The following NDUFAF6 variants were observed in gnomAD, a reference collection of about 807,000 sequenced individuals.
The protein encoded by NDUFAF6 is NADH dehydrogenase (ubiquinone) complex I, assembly factor 6.
A neutral mutation model predicts 40.8 loss-of-function variants in NDUFAF6; 45 were observed. The observed-to-expected ratio is 1.10, with a 90% CI of 0.87 to 1.42. The LOEUF (loss-of-function observed/expected upper bound fraction) is 1.42. NDUFAF6 is among the 40% of genes most tolerant of loss of function. The pLI, the probability that NDUFAF6 is intolerant of heterozygous loss-of-function variation, is 0.00. For missense variants in NDUFAF6, 435 were observed against 418.5 expected (o/e 1.04, Z -0.34); for synonymous variants, 185 against 155.9 (o/e 1.19, Z -1.39).
intron 2 of NDUFAF6, among the ~76,000 whole-genome samples, chr8:94,952,912 C>T (rs1417183208): frequency 6.6e-6 from 1 of 152,196 alleles, no homozygotes; most frequent in African/African-American, 2.4e-5. Flanking sequence ...GGGGGGAGTC[C>T]CCAAGAGGTG....
chr8:95,007,108 A>G (rs1047315207), intron 2 of NDUFAF6, among the ~76,000 whole-genome samples: 1 of 152,096 alleles, frequency 6.6e-6, no homozygotes, highest in East Asian at 1.9e-4. Context: ...TTATACAAAA[A>G]CGCTCCTGCT....
At chr8:94,966,585 C>A (rs1451835515) in intron 1 of NDUFAF6, among the ~76,000 whole-genome samples, 1 of 152,100 alleles carries the variant, frequency 6.6e-6, no homozygotes, top group Non-Finnish European at 1.5e-5. Context: ...CAGAGTGAGA[C>A]CTTGTCTCTA....
At chr8:95,107,770 C>T (rs952256154), downstream of NDUFAF6, among the ~76,000 whole-genome samples, 6 of 152,086 alleles carry the variant, frequency 3.9e-5, no homozygotes. Context: ...AGGAAGTCAT[C>T]AAGGACATAT....
At chr8:95,038,905 G>A (rs2131832383) in intron 3 of NDUFAF6, among the ~76,000 whole-genome samples, 1 of 151,232 alleles carries the variant, frequency 6.6e-6, no homozygotes, top group African/African-American at 2.4e-5. Flanking sequence ...TCTTGACCTC[G>A]TGATCTGCCT....
chr8:95,048,011 T>C (rs911274717), intron 6 of NDUFAF6, among the ~76,000 whole-genome samples: 10 of 151,954 alleles, frequency 6.6e-5, no homozygotes, highest in African/African-American at 2.2e-4. Context: ...CTGGGCAATA[T>C]TGGGAAACCC....
chr8:95,101,551 C>T (rs1809648902), intron 2 of NDUFAF6, among the ~76,000 whole-genome samples: 2 of 152,150 alleles, frequency 1.3e-5, no homozygotes, highest in African/African-American at 4.8e-5. Flanking sequence ...CTGTAACTTC[C>T]ACCCCTTGGC....
At chr8:95,096,170 G>A (rs566741720), upstream of NDUFAF6, among the ~76,000 whole-genome samples, 3 of 152,172 alleles carry the variant, frequency 2.0e-5, no homozygotes, top group East Asian at 5.8e-4. Flanking sequence ...GGATGCAAGG[G>A]TTCCCTTTAT....
At chr8:94,940,180 CTCTTCTTCT>C (rs563445319) in intron 1 of NDUFAF6, 2 of 1,609,300 alleles carry the variant, frequency 1.2e-6, no homozygotes, top group Middle Eastern at 1.7e-4. Flanking sequence ...TGATGTCCTC[CTCTTCTTCT>C]TCTTCTTCTG....
At chr8:95,097,181 T>C (rs1252808392), upstream of NDUFAF6, among the ~76,000 whole-genome samples, 2 of 152,206 alleles carry the variant, frequency 1.3e-5, no homozygotes, top group South Asian at 2.1e-4. Flanking sequence ...ATTACCAAAA[T>C]ACATGATGCC....
intron 1 of NDUFAF6, among the ~76,000 whole-genome samples, chr8:95,025,652 A>G (rs1828024192): frequency 6.6e-6 from 1 of 152,262 alleles, no homozygotes; most frequent in South Asian, 2.1e-4. Context: ...GTTGTGAGTT[A>G]TAAAGCATTT....
chr8:95,023,620 G>A (rs1217507617), upstream of NDUFAF6, among the ~76,000 whole-genome samples: 1 of 152,208 alleles, frequency 6.6e-6, no homozygotes, highest in Non-Finnish European at 1.5e-5. Flanking sequence ...TCAAGTGTAG[G>A]CAGCTGCTGG....
intron 1 of NDUFAF6, among the ~76,000 whole-genome samples, chr8:94,978,157 G>A (rs1412435708): frequency 1.3e-5 from 2 of 152,158 alleles, no homozygotes; most frequent in Non-Finnish European, 2.9e-5. Flanking sequence ...ACCAAGCCAT[G>A]ATTAGAAGCT....
downstream of NDUFAF6, chr8:95,078,381 T>C (rs1446603125): frequency 1.3e-5 from 2 of 152,144 alleles, no homozygotes; most frequent in Non-Finnish European, 2.9e-5. Flanking sequence ...CAGTGGCTCA[T>C]GCTTGTGATC....
intron 1 of NDUFAF6, among the ~76,000 whole-genome samples, chr8:94,966,729 C>T (rs1824040731): frequency 6.6e-6 from 1 of 152,202 alleles, no homozygotes; most frequent in African/African-American, 2.4e-5. Context: ...TTTTCTTCCA[C>T]CATACTTAGT....
intron 1 of NDUFAF6, among the ~76,000 whole-genome samples, chr8:94,898,916 T>C (rs1234560536): frequency 6.6e-6 from 1 of 152,244 alleles, no homozygotes; most frequent in Non-Finnish European, 1.5e-5. Context: ...GTTTTTATTG[T>C]CATGAGACTC....
chr8:94,932,830 C>T (rs1319873266), intron 1 of NDUFAF6, among the ~76,000 whole-genome samples: 1 of 151,942 alleles, frequency 6.6e-6, no homozygotes, highest in Non-Finnish European at 1.5e-5. Flanking sequence ...AATTTCAAAT[C>T]CCAAAATAAG....
intron 2 of NDUFAF6, among the ~76,000 whole-genome samples, chr8:94,985,427 G>A (rs1323776013): frequency 1.7e-4 from 20 of 120,850 alleles, no homozygotes; most frequent in African/African-American, 6.4e-4. Context: ...ACAACCCCTG[G>A]GTTAGTATCA....
chr8:95,089,611 A>C (rs1293155196), intron 2 of NDUFAF6, among the ~76,000 whole-genome samples: 1 of 152,184 alleles, frequency 6.6e-6, no homozygotes, highest in Non-Finnish European at 1.5e-5. Flanking sequence ...TGGTGGTATC[A>C]GCCACTCACT....
chr8:95,053,952 T>TTTTTTTTTG (rs1554681590), intron 8 of NDUFAF6, among the ~76,000 whole-genome samples: 1 of 136,910 alleles, frequency 7.3e-6, no homozygotes, highest in African/African-American at 3.0e-5. Flanking sequence ...TTTTTTTTTT[T>TTTTTTTTTG]GAGACAAAAT....
Sources: gnomAD v4.1 joint callset for allele counts (sites outside exome capture counted in the v4.1 genomes callset) on GRCh38, gnomAD v4.1.1 for gene constraint, MANE v1.5 for transcripts, NCBI Gene and HGNC (gene_info 2026-07-23, HGNC 2026-07-21) for gene names.